The following PARP11 variants were observed in gnomAD, a reference collection of about 807,000 sequenced individuals.
PARP11 encodes the protein protein mono-ADP-ribosyltransferase PARP11.
PARP11 carries 31 observed loss-of-function variants against 42.9 expected under a neutral mutation model. The observed-to-expected ratio is 0.72, with a 90% CI of 0.54 to 0.98. The LOEUF (loss-of-function observed/expected upper bound fraction) is 0.98. Ranked by LOEUF, PARP11 falls within the 50% of genes least tolerant of loss-of-function variation. The pLI is 0.00. For missense variants in PARP11, 365 were observed against 413.1 expected (o/e 0.88, Z 1.01); for synonymous variants, 137 against 127.3 (o/e 1.08, Z -0.51).
At chr12:3,839,697 AAAT>A in intron 1 of PARP11, 1 of 1,025,736 alleles carries the variant, frequency 9.7e-7, no homozygotes, top group African/African-American at 1.6e-5. Context: ...AAGTAACTGA[AAAT>A]AATTTTCCTG....
intron 4 of PARP11, among the ~76,000 whole-genome samples, chr12:3,824,323 A>G (rs1947470137): frequency 6.6e-6 from 1 of 152,238 alleles, no homozygotes; most frequent in Non-Finnish European, 1.5e-5. Flanking sequence ...CCCTTCAACT[A>G]CAACAATGAA....
chr12:3,861,006 G>C lies in PARP11; in HGVS notation c.18+12206C>G, dbSNP rs1296508315. 6.6e-6 allele frequency among the ~76,000 whole-genome samples: 1 copy of C among 152,150 alleles called. No homozygotes were observed. The highest frequency in any genetic ancestry group is 1.5e-5 in the Non-Finnish European group (1 of 68,030). ...CATTGCATTTTGGAAGCACATATTT[G>C]GTTTCACAGGGTCACAGCTGGAGGA... is the stretch of plus-strand genomic sequence containing the variant. On this transcript the variant is annotated intron_variant, in intron 1 of 7. Transcript: ENST00000228820. This position sits in a 1 kb window ranked among gnomAD's most constrained non-coding sequence, Gnocchi z 4.6.
chr12:3,826,356 A>G, intron 3 of PARP11, 123 bp from the exon 4 acceptor site: 1 of 634,274 alleles, frequency 1.6e-6, no homozygotes. Context: ...GTAGCTGGCA[A>G]GCATAGTGTA....
chr12:3,839,532 G>A, intron 1 of PARP11: 2 of 1,581,628 alleles, frequency 1.3e-6, no homozygotes, highest in Non-Finnish European at 8.7e-7. Flanking sequence ...AGAACAGAGA[G>A]AAATTTGAAG....
intron 7 of PARP11, among the ~76,000 whole-genome samples, chr12:3,812,901 C>A (rs1266070861): frequency 6.6e-6 from 1 of 152,184 alleles, no homozygotes; most frequent in Non-Finnish European, 1.5e-5. Flanking sequence ...CTCCCAGGTT[C>A]AAGCGATTCT....
Position 3,873,290 on chromosome 12 carries a change from GTTGGATT to G in PARP11, c.-68_-62del. ...AAGGGGCTAGCCGCGGGGCCTGGGTGTTGGATTTTTTTTTTTCCCGCGGGTCCCCGGG... is the reference window on the plus strand; with the variant it reads ...AAGGGGCTAGCCGCGGGGCCTGGGTGTTTTTTTTTCCCGCGGGTCCCCGGG... On this transcript the variant is annotated 5_prime_UTR_variant, in exon 1 of 8. Transcript: ENST00000228820. 1 of 1,523,948 alleles carries G rather than the reference GTTGGATT, an allele frequency of 6.6e-7. No homozygotes were observed. The highest frequency in any genetic ancestry group is 8.9e-7 in the Non-Finnish European group (1 of 1,123,906). 94.4% of individuals were successfully genotyped at this position (1,523,948 alleles called of 1,614,324 possible).
At chr12:3,829,214 G>C (rs1036828539) in intron 2 of PARP11, among the ~76,000 whole-genome samples, 184 bp from the exon 3 acceptor site, 1 of 152,192 alleles carries the variant, frequency 6.6e-6, no homozygotes, top group African/African-American at 2.4e-5. Flanking sequence ...ATGGTTTAAG[G>C]ATCTCCAGTG....
intron 1 of PARP11, among the ~76,000 whole-genome samples, chr12:3,850,899 A>G (rs1031139605): frequency 2.0e-5 from 3 of 152,250 alleles, no homozygotes; most frequent in Non-Finnish European, 4.4e-5. Context: ...TGAAAGTTCT[A>G]TGTTGAAAGT....
intron 1 of PARP11, chr12:3,872,443 T>C: frequency 3.3e-6 from 3 of 896,894 alleles, no homozygotes; most frequent in African/African-American, 1.8e-5. Context: ...GGCCCCTACG[T>C]TGCACTTTAA....
At chr12:3,827,247 G>A (rs1314305566) in intron 3 of PARP11, among the ~76,000 whole-genome samples, 1 of 152,190 alleles carries the variant, frequency 6.6e-6, no homozygotes, top group East Asian at 1.9e-4. Flanking sequence ...CCATGCCTCT[G>A]AAACAGGATC....
intron 1 of PARP11, among the ~76,000 whole-genome samples, chr12:3,871,422 C>G (rs1192911683): frequency 6.6e-6 from 1 of 152,170 alleles, no homozygotes; most frequent in Admixed American, 6.5e-5. Flanking sequence ...CATTGTGTTA[C>G]GAATGCCTAC....
intron 1 of PARP11, among the ~76,000 whole-genome samples, chr12:3,865,449 A>G (rs549346113): frequency 6.6e-6 from 1 of 152,270 alleles, no homozygotes; most frequent in Admixed American, 6.5e-5. Flanking sequence ...TTATTTGGAG[A>G]AAACTACTGA....
chr12:3,872,120 C>T (rs1202154295), intron 1 of PARP11, among the ~76,000 whole-genome samples: 1 of 152,176 alleles, frequency 6.6e-6, no homozygotes. Context: ...AAGGGACCTT[C>T]CTCCTCCGTA....
At chr12:3,847,996 T>G (rs1948032885) in intron 1 of PARP11, among the ~76,000 whole-genome samples, 1 of 152,040 alleles carries the variant, frequency 6.6e-6, no homozygotes, top group African/African-American at 2.4e-5. Context: ...ATACAAAAAT[T>G]AGTAGCATTT....
chr12:3,862,010 G>A (rs1054497541), intron 1 of PARP11, among the ~76,000 whole-genome samples: 41 of 152,078 alleles, frequency 2.7e-4, no homozygotes, highest in African/African-American at 9.9e-4. Context: ...GGTTGATGGA[G>A]CGAGACTCCG....
chr12:3,818,502 T>A (rs988886138), intron 6 of PARP11, among the ~76,000 whole-genome samples: 3 of 152,148 alleles, frequency 2.0e-5, no homozygotes, highest in African/African-American at 7.2e-5. Context: ...AAATTCTCCT[T>A]CTCCATAGGT....
intron 1 of PARP11, among the ~76,000 whole-genome samples, chr12:3,857,482 T>C (rs979934660): frequency 6.6e-6 from 1 of 152,172 alleles, no homozygotes; most frequent in African/African-American, 2.4e-5. Context: ...TTACAGCTGC[T>C]GAGACAGCCT....
At position 3,832,883 on chromosome 12, in the gene PARP11, G is replaced by A. The variant is rs931962168; in HGVS notation, c.19-2865C>T. Among the ~76,000 whole-genome samples the A allele has an allele frequency of 1.8e-4, 27 of 152,166 alleles. 1 individual carries two copies. Among genetic ancestry groups the A allele is most frequent in the Non-Finnish European group, 8.8e-5 (6 of 68,036 alleles). On this transcript the variant is annotated intron_variant, in intron 1 of 7. Coordinates refer to ENST00000228820, the MANE Select transcript of PARP11 (RefSeq NM_020367.6). ...GAAGAAGAAAAAGCTAGTACAAAGCGGCAAAGCATTTTGTAAAGTTTCAAG... is the reference window on the plus strand; with the variant it reads ...GAAGAAGAAAAAGCTAGTACAAAGCAGCAAAGCATTTTGTAAAGTTTCAAG...
In PARP11 at chr12:3,873,084, G is replaced by T; in HGVS notation, c.18+128C>A. The T allele has an allele frequency of 6.6e-6, 6 of 913,986 alleles. No homozygotes were observed. In the South Asian group the frequency reaches 7.1e-5, roughly 11 times the overall value. 56.6% of individuals were successfully genotyped at this position (913,986 alleles called of 1,614,324 possible). A position where few individuals can be genotyped will look rare whatever the true frequency, so the allele number is the denominator to read the frequency against. The stretch of plus-strand genomic sequence containing the variant: ...AGACTACAGAAGCCAAAAGGCCCGG[G>T]AACTCCGGTCCCGGAACTCAACACC... On this transcript the variant is annotated intron_variant, in intron 1 of 7. Coordinates refer to ENST00000228820, the MANE Select transcript of PARP11 (RefSeq NM_020367.6).
Sources: allele counts gnomAD v4.1 joint callset (sites outside exome capture counted in the v4.1 genomes callset), GRCh38; gene constraint gnomAD v4.1.1; non-coding constraint Gnocchi (gnomAD v3.1); transcripts MANE v1.5; gene names NCBI Gene and HGNC (gene_info 2026-07-23, HGNC 2026-07-21).